ARHGAP31: variants seen among roughly 807,000 people sequenced by gnomAD.
ARHGAP31 encodes the protein Rho GTPase activating protein 31.
In ARHGAP31, 34 loss-of-function variants were observed where a neutral mutation model predicts 113.9. The observed-to-expected ratio is 0.30, with a 90% CI of 0.23 to 0.40. The LOEUF (loss-of-function observed/expected upper bound fraction) is 0.40. Ranked by LOEUF, ARHGAP31 falls within the 10% of genes least tolerant of loss-of-function variation. The pLI is 1.00. For missense variants in ARHGAP31, 1,548 were observed against 1,767.1 expected (o/e 0.88, Z 2.22); for synonymous variants, 650 against 684.8 (o/e 0.95, Z 0.79).
intron 3 of ARHGAP31, among the ~76,000 whole-genome samples, chr3:119,379,240 A>C (rs2080375009): frequency 6.6e-6 from 1 of 152,214 alleles, no homozygotes; most frequent in Non-Finnish European, 1.5e-5. Flanking sequence ...GACAATAAGC[A>C]ATAACTCCAA....
At chr3:119,385,212 AC>A (rs1270934959) in intron 6 of ARHGAP31, among the ~76,000 whole-genome samples, 2 of 150,346 alleles carry the variant, frequency 1.3e-5, no homozygotes, top group African/African-American at 4.9e-5. Flanking sequence ...ACAGGTGTGA[AC>A]CACTGTGCCT....
chr3:119,388,693 A>C (rs756572545), intron 6 of ARHGAP31, among the ~76,000 whole-genome samples: 1 of 152,156 alleles, frequency 6.6e-6, no homozygotes, highest in Non-Finnish European at 1.5e-5. Flanking sequence ...CTATGGAAGG[A>C]GAGATGCATT....
chr3:119,331,944 G>A (rs1296260044), intron 1 of ARHGAP31, among the ~76,000 whole-genome samples: 3 of 152,082 alleles, frequency 2.0e-5, no homozygotes, highest in Non-Finnish European at 4.4e-5. Context: ...AGAGCTCCAC[G>A]GGACTGAGAG....
intron 1 of ARHGAP31, chr3:119,341,887 C>T (rs1188297137): frequency 6.6e-6 from 1 of 151,572 alleles, no homozygotes; most frequent in Non-Finnish European, 1.5e-5. Flanking sequence ...AGGAGCCATG[C>T]TAATCTTCTC....
intron 1 of ARHGAP31, chr3:119,341,947 C>T (rs1303895614): frequency 6.6e-6 from 1 of 152,108 alleles, no homozygotes; most frequent in East Asian, 1.9e-4. Context: ...GCACGCCTCT[C>T]ACTTTCTGAC....
In ARHGAP31 at chr3:119,364,849, T is replaced by C. The variant is rs1322507694; in HGVS notation, c.101-467T>C. ...GGCTCACACCTATAATCCCAGTTCT[T>C]TGGGAGGCCAAGGCGGGTGGATCAC... On this transcript the variant is annotated intron_variant, in intron 1 of 11. Coordinates refer to ENST00000264245, the MANE Select transcript of ARHGAP31 (RefSeq NM_020754.4). 5.9e-5 allele frequency among the ~76,000 whole-genome samples: 9 copies of C among 152,254 alleles called. No homozygotes were observed. In the East Asian group the frequency reaches 1.2e-3, roughly 20 times the overall value.
At chr3:119,340,135 G>C (rs1212101202) in intron 1 of ARHGAP31, among the ~76,000 whole-genome samples, 1 of 152,148 alleles carries the variant, frequency 6.6e-6, no homozygotes. Context: ...TTTTATCAAA[G>C]AAGATAGACA....
At chr3:119,358,239 C>T (rs963249569) in intron 1 of ARHGAP31, among the ~76,000 whole-genome samples, 1 of 152,060 alleles carries the variant, frequency 6.6e-6, no homozygotes, top group African/African-American at 2.4e-5. Context: ...ATACAAACGG[C>T]CAGTAAGCAC....
At chr3:119,320,967 GC>G (rs2079777770) in intron 1 of ARHGAP31, among the ~76,000 whole-genome samples, 1 of 152,046 alleles carries the variant, frequency 6.6e-6, no homozygotes, top group South Asian at 2.1e-4. Context: ...CCTTGCAAAA[GC>G]TCTCTCTTCT....
At chr3:119,337,892 C>T (rs1388045154) in intron 1 of ARHGAP31, among the ~76,000 whole-genome samples, 2 of 152,200 alleles carry the variant, frequency 1.3e-5, no homozygotes, top group African/African-American at 4.8e-5. Context: ...CAAGTCCCTC[C>T]CTGACCCAGA....
At chr3:119,393,620 T>C (rs527876550) in intron 8 of ARHGAP31, 29 bp downstream of exon 8, 1 of 1,612,792 alleles carries the variant, frequency 6.2e-7, no homozygotes, top group South Asian at 1.1e-5. Flanking sequence ...TGTTTTATGA[T>C]ACAAATATTT....
At chr3:119,351,494 C>T (rs1577007617) in intron 1 of ARHGAP31, among the ~76,000 whole-genome samples, 1 of 152,112 alleles carries the variant, frequency 6.6e-6, no homozygotes, top group East Asian at 1.9e-4. Context: ...TCTAACCATA[C>T]AGAATGTTAG....
intron 1 of ARHGAP31, among the ~76,000 whole-genome samples, chr3:119,298,101 A>G (rs2079549282): frequency 6.6e-6 from 1 of 152,082 alleles, no homozygotes; most frequent in Non-Finnish European, 1.5e-5. Flanking sequence ...GGAGCAATGA[A>G]CACTCTTAGC....
chr3:119,307,408 T>G (rs1235872338), intron 1 of ARHGAP31, among the ~76,000 whole-genome samples: 2 of 152,218 alleles, frequency 1.3e-5, no homozygotes, highest in Non-Finnish European at 2.9e-5. Flanking sequence ...ACTAAAAGTA[T>G]GGTTCCTCGG....
chr3:119,357,465 G>A lies in ARHGAP31; in HGVS notation c.101-7851G>A, dbSNP rs546972864. 3.2e-4 allele frequency among the ~76,000 whole-genome samples: 49 copies of A among 152,278 alleles called. No homozygotes were observed. In the Middle Eastern group the frequency reaches 0.01, roughly 32 times the overall value. ...CAGCAATCGGTGATGAGACTGGCAG[G>A]GGGGAGTGTGGCCAGATTGTGGAAA... On this transcript the variant is annotated intron_variant, in intron 1 of 11. Coordinates refer to ENST00000264245, the MANE Select transcript of ARHGAP31 (RefSeq NM_020754.4).
At chr3:119,391,589 A>ACCCCCCCCCCCCCCCCCC (rs368549202) in intron 7 of ARHGAP31, among the ~76,000 whole-genome samples, 124 of 103,796 alleles carry the variant, frequency 1.2e-3, no homozygotes, top group Non-Finnish European at 1.5e-3. Flanking sequence ...CTGGGTCTCT[A>ACCCCCCCCCCCCCCCCCC]CCCCCCCCTC....
intron 3 of ARHGAP31, among the ~76,000 whole-genome samples, chr3:119,377,678 C>T (rs182484717): frequency 4.0e-4 from 60 of 151,808 alleles, no homozygotes; most frequent in African/African-American, 1.4e-3. Flanking sequence ...CCCTGAAGGA[C>T]ACACAGTGGT....
At chr3:119,328,518 A>T (rs1486687575) in intron 1 of ARHGAP31, among the ~76,000 whole-genome samples, 1 of 152,220 alleles carries the variant, frequency 6.6e-6, no homozygotes, top group East Asian at 1.9e-4. Context: ...TAGCCGCTAT[A>T]CTGGGGAATT....
chr3:119,353,028 G>A (rs542589062), intron 1 of ARHGAP31, among the ~76,000 whole-genome samples: 6 of 152,264 alleles, frequency 3.9e-5, no homozygotes, highest in Admixed American at 2.0e-4. Context: ...TTAGATGAGC[G>A]GTCTGCATGT....
Sources: allele counts gnomAD v4.1 joint callset (sites outside exome capture counted in the v4.1 genomes callset), GRCh38; gene constraint gnomAD v4.1.1; transcripts MANE v1.5; gene names NCBI Gene and HGNC (gene_info 2026-07-23, HGNC 2026-07-21).